The following KCNIP4 variants were observed in gnomAD, a reference collection of about 807,000 sequenced individuals.
The protein encoded by KCNIP4 is potassium voltage-gated channel interacting protein 4, also known as Kv channel-interacting protein 4.
A neutral mutation model predicts 34.0 loss-of-function variants in KCNIP4; 12 were observed. The ratio of observed to expected loss-of-function variants is 0.35; its 90% CI spans 0.23 to 0.57. The LOEUF is 0.57. Among genes scored for constraint, KCNIP4 ranks in the 20% least tolerant of loss-of-function variants. The probability of loss-of-function intolerance (pLI) is 0.83; values close to 1 mark genes in which losing one functional copy is unlikely to be tolerated. For missense variants in KCNIP4, 238 were observed against 311.7 expected, an observed-to-expected ratio of 0.76 and a Z score of 1.78; for synonymous variants, 124 against 102.2, an observed-to-expected ratio of 1.21 and a Z score of -1.29.
intron 1 of KCNIP4, among the ~76,000 whole-genome samples, chr4:21,460,218 C>G (rs969257598): frequency 6.6e-6 from 1 of 151,748 alleles, no homozygotes; most frequent in African/African-American, 2.4e-5. Context: ...CACAAAATTG[C>G]TTGCTCTATC....
At chr4:20,747,897 G>C (rs1307966379) in intron 5 of KCNIP4, among the ~76,000 whole-genome samples, 1 of 152,150 alleles carries the variant, frequency 6.6e-6, no homozygotes, top group Non-Finnish European at 1.5e-5. Context: ...CACCCAGATA[G>C]CTGCCTACGC....
At chr4:20,771,727 T>C (rs1755899683) in intron 3 of KCNIP4, among the ~76,000 whole-genome samples, 1 of 152,072 alleles carries the variant, frequency 6.6e-6, no homozygotes, top group Non-Finnish European at 1.5e-5. Flanking sequence ...TGGAGTGCAG[T>C]GCTGCGATCT....
intron 1 of KCNIP4, among the ~76,000 whole-genome samples, chr4:21,256,418 TAA>T (rs35912916): frequency 4.2e-4 from 51 of 120,882 alleles, no homozygotes; most frequent in Admixed American, 1.3e-3. Flanking sequence ...CATCCCTGCT[TAA>T]AAAAAAAAAA....
At chr4:21,188,031 A>G (rs1020277822) in intron 1 of KCNIP4, among the ~76,000 whole-genome samples, 4 of 152,224 alleles carry the variant, frequency 2.6e-5, no homozygotes, top group African/African-American at 9.6e-5. Context: ...TAGATGTGAC[A>G]GTAATATGAG....
At chr4:21,594,196 T>C (rs1358333141) in intron 1 of KCNIP4, among the ~76,000 whole-genome samples, 1 of 152,134 alleles carries the variant, frequency 6.6e-6, no homozygotes, top group East Asian at 1.9e-4. Flanking sequence ...GCTCTCAGAT[T>C]TATATGTTCC....
intron 1 of KCNIP4, among the ~76,000 whole-genome samples, chr4:21,473,722 T>C (rs1224314247): frequency 3.3e-5 from 5 of 151,786 alleles, no homozygotes; most frequent in Admixed American, 6.6e-5. Context: ...ATTCTTTTTT[T>C]TTTTTTTTTA....
Position 21,908,462 on chromosome 4 carries a change from A to G in KCNIP4, c.61+40109T>C, listed in dbSNP as rs115387569. On this transcript the variant is annotated intron_variant, in intron 1 of 8. Coordinates refer to ENST00000382152, the MANE Select transcript of KCNIP4 (RefSeq NM_025221.6). ...TGCAACACACTTATCCTTGTAATACAGGCAAGCCCATTATTAGGCAATAAA... is the reference window on the plus strand; with the variant it reads ...TGCAACACACTTATCCTTGTAATACGGGCAAGCCCATTATTAGGCAATAAA... 5.1e-3 allele frequency among the ~76,000 whole-genome samples: 776 copies of G among 152,302 alleles called. 10 individuals carry two copies. The highest frequency in any genetic ancestry group is 0.018 in the African/African-American group (740 of 41,564).
rs1026866973 is a variant in KCNIP4, at chr4:21,468,604, T to C, written c.61+479967A>G. Among the ~76,000 whole-genome samples the C allele has an allele frequency of 2.0e-5, 3 of 152,258 alleles. No homozygotes were observed. The South Asian group carries it at 6.2e-4, about 32-fold the overall frequency. ...ACTCTCTGGGGACGAGTCATACTAG[T>C]GGCCACATGCCTTATAGGATTTGGT... is the stretch of plus-strand genomic sequence containing the variant. On this transcript the variant is annotated intron_variant, in intron 1 of 8. Coordinates refer to ENST00000382152, the MANE Select transcript of KCNIP4 (RefSeq NM_025221.6).
chr4:21,542,186 G>C (rs988218924), intron 1 of KCNIP4, among the ~76,000 whole-genome samples: 1 of 151,834 alleles, frequency 6.6e-6, no homozygotes, highest in Non-Finnish European at 1.5e-5. Context: ...CCACAGATGT[G>C]TCTACCACCC....
chr4:21,721,398 T>TA (rs1181455993), intron 1 of KCNIP4, among the ~76,000 whole-genome samples: 2 of 152,094 alleles, frequency 1.3e-5, no homozygotes, highest in East Asian at 1.9e-4. Flanking sequence ...GAACAAATTT[T>TA]AAAAAAATAA....
chr4:20,860,799 G>A (rs1033933112), intron 2 of KCNIP4, among the ~76,000 whole-genome samples: 4 of 152,116 alleles, frequency 2.6e-5, no homozygotes, highest in Non-Finnish European at 5.9e-5. Context: ...CTTGACCATA[G>A]CATTAGATGC....
At chr4:21,801,602 T>TA (rs1170835237) in intron 1 of KCNIP4, among the ~76,000 whole-genome samples, 2 of 151,234 alleles carry the variant, frequency 1.3e-5, no homozygotes, top group Non-Finnish European at 1.5e-5. Flanking sequence ...ACTTATTTAT[T>TA]TTATTATTAT....
chr4:21,024,578 A>G (rs866986448), intron 1 of KCNIP4, among the ~76,000 whole-genome samples: 2 of 152,228 alleles, frequency 1.3e-5, no homozygotes, highest in African/African-American at 4.8e-5. Context: ...TATATTTCCA[A>G]TGAAACCCCT....
intron 4 of KCNIP4, among the ~76,000 whole-genome samples, chr4:20,753,436 A>G (rs773390422): frequency 6.6e-6 from 1 of 152,184 alleles, no homozygotes; most frequent in Admixed American, 6.5e-5. Flanking sequence ...ACTTAGTCCA[A>G]AGTTCTTAAC....
intron 1 of KCNIP4, among the ~76,000 whole-genome samples, chr4:20,891,806 A>G (rs913922140): frequency 3.3e-5 from 5 of 152,132 alleles, no homozygotes; most frequent in Non-Finnish European, 7.4e-5. Flanking sequence ...TACCATTGAA[A>G]GTAATGGCAA....
At chr4:21,870,075 A>T (rs1337233359) in intron 1 of KCNIP4, among the ~76,000 whole-genome samples, 1 of 152,158 alleles carries the variant, frequency 6.6e-6, no homozygotes, top group East Asian at 1.9e-4. Context: ...AGGAGGCCAT[A>T]CTAGCTGTTC....
rs527991941 is a variant in KCNIP4, at chr4:20,880,096, T to C, written c.163+2512A>G. On this transcript the variant is annotated intron_variant, in intron 2 of 8. Transcript: ENST00000382152. ...CAGGGCTGATATTTATGAAAGTATATCATGTAAATGAAATAATAAAAATTT... is the reference window on the plus strand; with the variant it reads ...CAGGGCTGATATTTATGAAAGTATACCATGTAAATGAAATAATAAAAATTT... Among the ~76,000 whole-genome samples the C allele has an allele frequency of 7.2e-5, 11 of 152,322 alleles. No homozygotes were observed. In the East Asian group the frequency reaches 9.6e-4, roughly 13 times the overall value.
At position 21,248,091 on chromosome 4, in the gene KCNIP4, T is replaced by G. The variant is rs560187581; in HGVS notation, c.62-365382A>C. On this transcript the variant is annotated intron_variant, in intron 1 of 8. Transcript: ENST00000382152. ...GTGTGTGTGTGTGTTCTGCACAGCATGAGTACACATGCAATAATATAAAAT... is the reference window on the plus strand; with the variant it reads ...GTGTGTGTGTGTGTTCTGCACAGCAGGAGTACACATGCAATAATATAAAAT... Among the ~76,000 whole-genome samples the G allele has an allele frequency of 6.1e-4, 90 of 146,502 alleles. 2 individuals are homozygous for G. In the South Asian group the frequency reaches 0.017, roughly 27 times the overall value.
At chr4:21,586,646 A>G (rs1287467811) in intron 1 of KCNIP4, among the ~76,000 whole-genome samples, 1 of 152,112 alleles carries the variant, frequency 6.6e-6, no homozygotes, top group Non-Finnish European at 1.5e-5. Flanking sequence ...GACAAAGAAC[A>G]AGAGAAAGAG....
Sources: allele counts gnomAD v4.1 joint callset (sites outside exome capture counted in the v4.1 genomes callset), GRCh38; gene constraint gnomAD v4.1.1; transcripts MANE v1.5; gene names NCBI Gene and HGNC (gene_info 2026-07-23, HGNC 2026-07-21).